Variants in ESR1 observed in about 807,000 individuals in gnomAD.
ESR1 encodes estrogen receptor 1.
ESR1 carries 12 observed loss-of-function variants against 52.7 expected under a neutral mutation model. The ratio of observed to expected loss-of-function variants is 0.23; its 90% CI spans 0.15 to 0.37. The LOEUF (loss-of-function observed/expected upper bound fraction) is 0.37, where lower values mean the gene tolerates loss of function less well. Ranked by LOEUF, ESR1 falls within the 10% of genes least tolerant of loss-of-function variation. The pLI, the probability that ESR1 is intolerant of heterozygous loss-of-function variation, is 1.00. For missense variants in ESR1, 584 were observed against 779.7 expected (o/e 0.75, Z 2.99); for synonymous variants, 305 against 316.8 (o/e 0.96, Z 0.39).
chr6:151,764,031 C>T (rs1031348248), intron 2 of ESR1, among the ~76,000 whole-genome samples: 1 of 152,046 alleles, frequency 6.6e-6, no homozygotes. Context: ...ACAGGCAGTT[C>T]CCTGTTGCTG....
chr6:151,753,100 T>C (rs969312743), intron 2 of ESR1, among the ~76,000 whole-genome samples: 1 of 152,190 alleles, frequency 6.6e-6, no homozygotes, highest in Non-Finnish European at 1.5e-5. Context: ...CCCACTACAC[T>C]GCTAGCCTGG....
In ESR1 at chr6:152,101,169, T is replaced by C; in HGVS notation, c.*2203T>C. On this transcript the variant is annotated 3_prime_UTR_variant, in exon 8 of 8. Transcript: ENST00000206249. ...ACTTTTGTATCCACAGTAGACAAAA[T>C]AGCACTAATCCAGATGCCTATTGTT... 4.3e-6 allele frequency: 1 copy of C among 230,880 alleles called. No homozygotes were observed. The highest frequency in any genetic ancestry group is 8.6e-6 in the Non-Finnish European group (1 of 116,804). 14.3% of individuals were successfully genotyped at this position (230,880 alleles called of 1,614,324 possible).
At chr6:151,717,214 G>T (rs1481829626) in intron 2 of ESR1, among the ~76,000 whole-genome samples, 3 of 152,280 alleles carry the variant, frequency 2.0e-5, no homozygotes, top group Admixed American at 6.5e-5. Flanking sequence ...CCAATGAGAT[G>T]AGCTGGGTAC....
intron 5 of ESR1, among the ~76,000 whole-genome samples, chr6:152,042,016 A>G (rs1230945948): frequency 2.0e-5 from 3 of 152,252 alleles, no homozygotes; most frequent in African/African-American, 4.8e-5. Context: ...TCTTCTGCAC[A>G]GGCCAAACAG....
chr6:152,029,244 C>G lies in ESR1; in HGVS notation c.1235+17450C>G, dbSNP rs567799765. Among the ~76,000 whole-genome samples the G allele has an allele frequency of 2.0e-5, 3 of 152,336 alleles. No homozygotes were observed. In the South Asian group the frequency reaches 6.2e-4, roughly 32 times the overall value. ...TAAAAATCAGAGCACCTCTCCTCCT[C>G]CAAAGGAACGCAGCTCCTCACCAGC... On this transcript the variant is annotated intron_variant, in intron 5 of 7. Coordinates refer to ENST00000206249, the MANE Select transcript of ESR1 (RefSeq NM_000125.4).
intron 6 of ESR1, chr6:152,112,852 A>C (rs2051161402): frequency 6.6e-6 from 1 of 152,272 alleles, no homozygotes; most frequent in African/African-American, 2.4e-5. Flanking sequence ...TCTGAAGACA[A>C]AAACGTGAAG....
intron 1 of ESR1, among the ~76,000 whole-genome samples, chr6:151,821,845 A>G (rs1259433687): frequency 2.0e-5 from 3 of 152,228 alleles, no homozygotes; most frequent in East Asian, 3.8e-4. Context: ...ACTGTTTACT[A>G]TTAAATTTTC....
chr6:151,810,373 C>T (rs921419772), intron 1 of ESR1, among the ~76,000 whole-genome samples: 8 of 151,994 alleles, frequency 5.3e-5, no homozygotes, highest in African/African-American at 1.9e-4. Flanking sequence ...ATTATCTTTC[C>T]TCTTTTGTTA....
intron 3 of ESR1, among the ~76,000 whole-genome samples, chr6:151,934,809 C>T (rs987829395): frequency 3.9e-5 from 6 of 152,128 alleles, no homozygotes; most frequent in South Asian, 2.1e-4. Flanking sequence ...TAATAAGAAA[C>T]GTTATAGCTG....
intron 3 of ESR1, among the ~76,000 whole-genome samples, chr6:151,885,401 A>C (rs1583946346): frequency 2.6e-5 from 4 of 152,318 alleles, no homozygotes; most frequent in African/African-American, 9.6e-5. Context: ...CTGACATCCA[A>C]GACATATATT....
At chr6:152,073,019 TC>T (rs547837506) in intron 6 of ESR1, among the ~76,000 whole-genome samples, 27 of 152,250 alleles carry the variant, frequency 1.8e-4, no homozygotes, top group Non-Finnish European at 3.7e-4. Flanking sequence ...TTGAAGCTGA[TC>T]TTTTGTACTT....
intron 1 of ESR1, among the ~76,000 whole-genome samples, chr6:151,810,322 A>ATTTAGATTGATTT (rs1778606256): frequency 6.6e-6 from 1 of 152,178 alleles, no homozygotes; most frequent in Non-Finnish European, 1.5e-5. Context: ...CTGTGTGGAA[A>ATTTAGATTGATTT]TTCAGTTTTA....
At chr6:151,785,070 G>A (rs559281238) in intron 2 of ESR1, among the ~76,000 whole-genome samples, 1 of 152,198 alleles carries the variant, frequency 6.6e-6, no homozygotes, top group Non-Finnish European at 1.5e-5. Context: ...ACTGATGGTT[G>A]GTGTCAACCA....
chr6:152,127,798 G>A (rs946990604), exon 7 of ESR1: 1 of 152,176 alleles, frequency 6.6e-6, no homozygotes, highest in Non-Finnish European at 1.5e-5. Flanking sequence ...AAACTGAGTA[G>A]TGTTTATAGT....
chr6:151,733,595 G>A (rs1296847664), intron 2 of ESR1, among the ~76,000 whole-genome samples: 1 of 152,096 alleles, frequency 6.6e-6, no homozygotes, highest in African/African-American at 2.4e-5. Context: ...CGAAATTTGT[G>A]TTGTCCCCAG....
chr6:151,785,121 T>G (rs1562403572), intron 2 of ESR1, among the ~76,000 whole-genome samples: 1 of 152,206 alleles, frequency 6.6e-6, no homozygotes, highest in Non-Finnish European at 1.5e-5. Flanking sequence ...AGACTCATGT[T>G]TGATTAAATA....
chr6:151,699,463 G>T (rs1779608466), intron 1 of ESR1, among the ~76,000 whole-genome samples: 1 of 152,112 alleles, frequency 6.6e-6, no homozygotes, highest in African/African-American at 2.4e-5. Context: ...ATTCTCAGCG[G>T]AGTAGTATTT....
At chr6:151,781,771 A>G (rs1010988701) in intron 2 of ESR1, among the ~76,000 whole-genome samples, 2 of 151,948 alleles carry the variant, frequency 1.3e-5, no homozygotes, top group Non-Finnish European at 2.9e-5. Flanking sequence ...CTAAACAGTG[A>G]CAAGTGTTTG....
At chr6:152,063,413 G>A (rs1287405888) in intron 6 of ESR1, among the ~76,000 whole-genome samples, 2 of 152,100 alleles carry the variant, frequency 1.3e-5, no homozygotes, top group African/African-American at 4.8e-5. Flanking sequence ...CCTGTACAAA[G>A]CGAAACCACT....
Sources: gnomAD v4.1 joint callset for allele counts (sites outside exome capture counted in the v4.1 genomes callset) on GRCh38, gnomAD v4.1.1 for gene constraint, MANE v1.5 for transcripts, NCBI Gene and HGNC (gene_info 2026-07-23, HGNC 2026-07-21) for gene names.